FOXJ2: variants seen among roughly 807,000 people sequenced by gnomAD.
FOXJ2 encodes the protein forkhead box protein J2.
Under a neutral mutation model 68.4 loss-of-function variants are expected in FOXJ2, and 18 were observed. The observed-to-expected ratio is 0.26, with a 90% CI of 0.18 to 0.39. The LOEUF (loss-of-function observed/expected upper bound fraction) is 0.39, where lower values mean the gene tolerates loss of function less well. Among genes scored for constraint, FOXJ2 ranks in the 10% least tolerant of loss-of-function variants. The probability of loss-of-function intolerance (pLI) is 1.00; values close to 1 mark genes in which losing one functional copy is unlikely to be tolerated. For synonymous variants in FOXJ2, 274 were observed against 263.2 expected (o/e 1.04, Z -0.40); for missense variants, 670 against 726.5 (o/e 0.92, Z 0.89).
Position 8,042,664 on chromosome 12 carries a change from A to G in FOXJ2, c.340A>G (p.Ile114Val), listed in dbSNP as rs2121332916. Residue 114 changes from isoleucine (I) to valine (V), a missense_variant, in exon 3 of 11, where the codon ATA becomes GTA. This residue lies in a region of FOXJ2 where 115 missense variants were observed against 164.3 expected (regional missense o/e 0.70). Transcript: ENST00000162391. The stretch of plus-strand genomic sequence containing the variant: ...TGCTTCTCTGCCTCTCCAGAATTCA[A>G]TACGGCACAACCTTTCTCTCAACAA... Reference protein sequence around the residue: ...KNAGIGWKNSIRHNLSLNKCF... With the variant: ...KNAGIGWKNSVRHNLSLNKCF... 6.2e-7 allele frequency: 1 copy of G among 1,614,154 alleles called. No individual in the cohort carries two copies. The highest frequency in any genetic ancestry group is 2.2e-5 in the East Asian group (1 of 44,884).
chr12:8,052,723 A>G (rs778393027), intron 10 of FOXJ2, 39 bp from the exon 11 acceptor site: 1 of 1,540,900 alleles, frequency 6.5e-7, no homozygotes. Flanking sequence ...ACAGCTTCCC[A>G]TCCACTCTCC....
intron 1 of FOXJ2, 27 bp downstream of exon 1, chr12:8,033,860 T>C (rs1946866142): frequency 6.6e-6 from 1 of 152,570 alleles, no homozygotes; most frequent in Non-Finnish European, 1.5e-5. Context: ...ATCTTCTCTC[T>C]GTCATTGTCT....
intron 9 of FOXJ2, 54 bp downstream of exon 9, chr12:8,049,625 A>G (rs1386416127): frequency 4.1e-6 from 6 of 1,477,706 alleles, no homozygotes; most frequent in South Asian, 1.4e-5. Context: ...AAAAGGAAGC[A>G]TAGGAGAAAG....
In FOXJ2 at chr12:8,053,156, T is replaced by G. The variant is rs945273953; in HGVS notation, c.*306T>G. On this transcript the variant is annotated 3_prime_UTR_variant, in exon 11 of 11. Coordinates refer to ENST00000162391, the MANE Select transcript of FOXJ2 (RefSeq NM_018416.3). The surrounding 1 kb of genome is among the most constrained non-coding windows in gnomAD (Gnocchi z 4.1). ...CCCTACATCATGGATCATGTCCACC[T>G]TTTGCTAATTTAAAATCATCAGGCT... 2 of 153,768 alleles carry G rather than the reference T, an allele frequency of 1.3e-5. No homozygotes were observed. Among genetic ancestry groups the G allele is most frequent in the Middle Eastern group, 3.1e-3 (1 of 326 alleles). The allele number at this position is 153,768 out of a possible 1,614,324, so 9.5% of individuals were successfully genotyped here.
At position 8,048,100 on chromosome 12, in the gene FOXJ2, C is replaced by G. The variant is rs375557180; in HGVS notation, c.1036C>G (p.Pro346Ala). ...LHTPSTDGCTPPGGKQAGAEG... is the reference protein window; with the variant it reads ...LHTPSTDGCTAPGGKQAGAEG... Reference sequence around the variant, plus strand: ...CACCCCAAGCACAGATGGTTGTACCCCACCAGGGGGAAAGCAAGCTGGGGC... The same window carrying G: ...CACCCCAAGCACAGATGGTTGTACCGCACCAGGGGGAAAGCAAGCTGGGGC... Residue 346 changes from proline (P) to alanine (A), a missense_variant, in exon 7 of 11, where the codon CCA (proline) becomes GCA (alanine). By Grantham distance (27) the Pro-to-Ala change is conservative (BLOSUM62 -1). Around this residue, in one of 2 missense-constraint regions of FOXJ2, gnomAD observed 555 missense variants for 562.2 expected, o/e 0.99. Coordinates refer to ENST00000162391, the MANE Select transcript of FOXJ2 (RefSeq NM_018416.3). 1.2e-5 allele frequency: 20 copies of G among 1,612,268 alleles called. No homozygotes were observed. Among genetic ancestry groups the G allele is most frequent in the Non-Finnish European group, 1.7e-5 (20 of 1,179,004 alleles).
In FOXJ2 at chr12:8,040,277, G is replaced by A. The variant is rs978355212; in HGVS notation, c.333+112G>A. On this transcript the variant is annotated intron_variant, in intron 2 of 10. Transcript: ENST00000162391. The surrounding 1 kb of genome is among the most constrained non-coding windows in gnomAD (Gnocchi z 4.0). ...TCAGTTTACTCTGGTTTGTCTCAGA[G>A]ATGTGAAAACTTAAAATCTCATATG... The A allele has an allele frequency of 5.1e-5, 59 of 1,165,474 alleles. 1 individual carries two copies. In the South Asian group the frequency reaches 8.8e-4, roughly 17 times the overall value. 72.2% of individuals were successfully genotyped at this position (1,165,474 alleles called of 1,614,324 possible). A position where few individuals can be genotyped will look rare whatever the true frequency, so the allele number is the denominator to read the frequency against.
At position 8,035,084 on chromosome 12, in the gene FOXJ2, C is replaced by A. The variant is rs12315554; in HGVS notation, c.-15+1251C>A. Among the ~76,000 whole-genome samples, 5 of 152,134 alleles carry A rather than the reference C, an allele frequency of 3.3e-5. No homozygotes were observed. Among genetic ancestry groups the A allele is most frequent in the Admixed American group, 3.3e-4 (5 of 15,270 alleles). ...TAAATTCCTGAGTACAGTCATTTGT[C>A]CTGGAAGCTACTGGTGGTATATGAG... On this transcript the variant is annotated intron_variant, in intron 1 of 10. Transcript: ENST00000162391. This position sits in a 1 kb window ranked among gnomAD's most constrained non-coding sequence, Gnocchi z 4.0.
intron 10 of FOXJ2, among the ~76,000 whole-genome samples, chr12:8,050,915 TCCTTCCCCTTCCCTTCC>T (rs1344885980): frequency 6.9e-4 from 39 of 56,360 alleles, no homozygotes; most frequent in African/African-American, 3.0e-3. Flanking sequence ...CCCTTCCCTT[TCCTTCCCCTTCCCTTCC>T]CCTTCCCCTT....
intron 9 of FOXJ2, chr12:8,049,842 G>A: frequency 2.3e-6 from 1 of 433,260 alleles, no homozygotes; most frequent in East Asian, 3.4e-5. Context: ...GTTAGAGAAA[G>A]GCTGTATTTT....
At chr12:8,041,601 C>G (rs751842483) in intron 2 of FOXJ2, among the ~76,000 whole-genome samples, 2 of 151,718 alleles carry the variant, frequency 1.3e-5, no homozygotes, top group Non-Finnish European at 2.9e-5. Flanking sequence ...GCAGCTTGAA[C>G]CTGGGCTCAA....
chr12:8,050,719 T>C, intron 10 of FOXJ2, 99 bp downstream of exon 10: 2 of 1,360,940 alleles, frequency 1.5e-6, no homozygotes, highest in Non-Finnish European at 2.1e-6. Flanking sequence ...TTTGCCTGCA[T>C]CTCGCTGGAG....
intron 1 of FOXJ2, among the ~76,000 whole-genome samples, chr12:8,036,610 A>G (rs751654810): frequency 2.4e-4 from 37 of 152,320 alleles, no homozygotes; most frequent in African/African-American, 8.4e-4. Flanking sequence ...TGAGAAATGG[A>G]AGTACCTCTT....
chr12:8,041,901 G>A (rs1946971009), intron 2 of FOXJ2, among the ~76,000 whole-genome samples: 1 of 150,530 alleles, frequency 6.6e-6, no homozygotes, highest in Non-Finnish European at 1.5e-5. Flanking sequence ...TTTTGAGACG[G>A]AGTTTCGCTC....
intron 2 of FOXJ2, among the ~76,000 whole-genome samples, chr12:8,041,303 G>A (rs1946960995): frequency 6.6e-6 from 1 of 151,790 alleles, no homozygotes; most frequent in South Asian, 2.1e-4. Context: ...CTGGGTTCAA[G>A]CAATCCTCCT....
intron 10 of FOXJ2, among the ~76,000 whole-genome samples, chr12:8,050,844 TCCCTTC>T (rs1170289367): frequency 1.9e-5 from 2 of 105,644 alleles, no homozygotes; most frequent in East Asian, 2.9e-4. Flanking sequence ...TCCCTTCCTT[TCCCTTC>T]CCCTTCCCTT....
chr12:8,048,403 G>A (rs1272875991), intron 7 of FOXJ2, 114 bp downstream of exon 7: 11 of 1,460,542 alleles, frequency 7.5e-6, no homozygotes, highest in South Asian at 5.8e-5. Flanking sequence ...TTTAGGCTTC[G>A]CTCCTTCATG....
intron 6 of FOXJ2, among the ~76,000 whole-genome samples, chr12:8,047,353 G>A (rs1428264021): frequency 6.6e-6 from 1 of 152,124 alleles, no homozygotes; most frequent in East Asian, 1.9e-4. Flanking sequence ...GGAGGCTGAG[G>A]CAGGAGAATT....
chr12:8,035,864 TTCCTGA>T lies in FOXJ2; in HGVS notation c.-15+2036_-15+2041del, dbSNP rs1402546131. Among the ~76,000 whole-genome samples, 1 of 152,192 alleles carries T rather than the reference TTCCTGA, an allele frequency of 6.6e-6. No individual in the cohort carries two copies. Among genetic ancestry groups the T allele is most frequent in the Non-Finnish European group, 1.5e-5 (1 of 68,038 alleles). On this transcript the variant is annotated intron_variant, in intron 1 of 10. Coordinates refer to ENST00000162391, the MANE Select transcript of FOXJ2 (RefSeq NM_018416.3). This position sits in a 1 kb window ranked among gnomAD's most constrained non-coding sequence, Gnocchi z 4.0. ...TCCTCATTCCTTCATCCTTAGAGTC[TTCCTGA>T]TCCTAGCATTAGCCAGTACTGGGTG...
At chr12:8,045,083 G>A (rs780672142) in intron 6 of FOXJ2, 125 bp downstream of exon 6, 246 of 984,842 alleles carry the variant, frequency 2.5e-4, no homozygotes, top group Non-Finnish European at 3.4e-4. Flanking sequence ...TCACTCTTTC[G>A]TCCAAGCTGG....
Sources: gnomAD v4.1 joint callset for allele counts (sites outside exome capture counted in the v4.1 genomes callset) on GRCh38, gnomAD v4.1.1 for gene constraint, gnomAD v4.1.1 regional missense constraint, Gnocchi (gnomAD v3.1) non-coding constraint, MANE v1.5 for transcripts, NCBI Gene and HGNC (gene_info 2026-07-23, HGNC 2026-07-21) for gene names.